LEKR1: variants seen among roughly 807,000 people sequenced by gnomAD.
The protein encoded by LEKR1 is leucine, glutamate and lysine rich 1.
Under a neutral mutation model 72.4 loss-of-function variants are expected in LEKR1, and 59 were observed. The observed-to-expected ratio is 0.82, with a 90% CI of 0.66 to 1.01. The LOEUF (loss-of-function observed/expected upper bound fraction) is 1.01, where lower values mean the gene tolerates loss of function less well. Ranked by LOEUF, LEKR1 falls within the 50% of genes least tolerant of loss-of-function variation. The probability of loss-of-function intolerance (pLI) is 0.00; values close to 1 mark genes in which losing one functional copy is unlikely to be tolerated. For synonymous variants in LEKR1, 257 were observed against 263.2 expected (o/e 0.98, Z 0.23); for missense variants, 728 against 759.2 (o/e 0.96, Z 0.48).
At chr3:156,960,495 A>G (rs985654916) in intron 6 of LEKR1, among the ~76,000 whole-genome samples, 17 of 152,176 alleles carry the variant, frequency 1.1e-4, no homozygotes, top group Admixed American at 3.3e-4. Context: ...CATGTTGGCC[A>G]GGCTGGTCTC....
intron 6 of LEKR1, among the ~76,000 whole-genome samples, chr3:156,948,131 G>C (rs1226496361): frequency 1.3e-5 from 2 of 150,946 alleles, no homozygotes; most frequent in African/African-American, 2.4e-5. Context: ...TTTGAATATT[G>C]TAAGTCTTTT....
intron 3 of LEKR1, among the ~76,000 whole-genome samples, chr3:156,877,597 G>A (rs1718761724): frequency 6.6e-6 from 1 of 151,350 alleles, no homozygotes; most frequent in African/African-American, 2.4e-5. Context: ...TTTCTGGATT[G>A]TGTGTATAAA....
At chr3:157,039,054 T>A (rs114210080) in intron 12 of LEKR1, among the ~76,000 whole-genome samples, 5,547 of 152,272 alleles carry the variant, frequency 0.036, 147 homozygotes, top group South Asian at 0.09. Flanking sequence ...AACAATCTCC[T>A]AGCATCTCGA....
chr3:156,973,240 C>T (rs1458869251), intron 6 of LEKR1, among the ~76,000 whole-genome samples: 1 of 152,004 alleles, frequency 6.6e-6, no homozygotes, highest in Non-Finnish European at 1.5e-5. Context: ...AGATAAGGTT[C>T]CTGTTCTCAT....
chr3:156,936,465 ACC>A (rs965225974), intron 5 of LEKR1, among the ~76,000 whole-genome samples: 72,943 of 132,958 alleles, frequency 0.55, 19,675 homozygotes, highest in South Asian at 0.69. Flanking sequence ...ACACACACAC[ACC>A]CCCCGTATGC....
At chr3:156,902,272 A>G (rs931195425) in intron 3 of LEKR1, among the ~76,000 whole-genome samples, 33 of 152,186 alleles carry the variant, frequency 2.2e-4, no homozygotes, top group African/African-American at 7.2e-4. Context: ...GAAATAGATG[A>G]AGATTACCCT....
At chr3:156,938,243 T>C (rs2108579646) in intron 5 of LEKR1, among the ~76,000 whole-genome samples, 1 of 152,298 alleles carries the variant, frequency 6.6e-6, no homozygotes, top group African/African-American at 2.4e-5. Context: ...GATAGTGTGC[T>C]ACAGTTACAC....
chr3:156,970,268 C>T (rs922964471), intron 6 of LEKR1, among the ~76,000 whole-genome samples: 16 of 152,162 alleles, frequency 1.1e-4, no homozygotes, highest in Non-Finnish European at 2.1e-4. Context: ...GAAGTTCTGG[C>T]CAGGGCAATC....
intron 6 of LEKR1, among the ~76,000 whole-genome samples, chr3:156,964,290 A>G (rs1728368431): frequency 6.6e-6 from 1 of 152,088 alleles, no homozygotes; most frequent in Non-Finnish European, 1.5e-5. Flanking sequence ...TTTCTTTATT[A>G]TGAAATCCTT....
chr3:156,942,659 A>G lies in LEKR1; in HGVS notation c.690A>G (p.Arg230=). The part of the protein sequence containing the change: ...ILRSQQIRTS[R]QQEVNLQTRC... ...GATCTCAGCAGATTCGGACATCTAG[A>G]CAACAGGAAGTAAACTTGCAAACCA... Residue 230 remains arginine, a synonymous_variant, in exon 6 of 13, where the codon AGA becomes AGG. Transcript: ENST00000356539. 7.9e-7 allele frequency: 1 copy of G among 1,271,256 alleles called. No individual in the cohort carries two copies. The highest frequency in any genetic ancestry group is 1.0e-6 in the Non-Finnish European group (1 of 982,850). 78.7% of individuals were successfully genotyped at this position (1,271,256 alleles called of 1,614,324 possible).
At chr3:156,939,262 T>A (rs576604865) in intron 5 of LEKR1, among the ~76,000 whole-genome samples, 4 of 152,296 alleles carry the variant, frequency 2.6e-5, no homozygotes, top group African/African-American at 9.6e-5. Context: ...CACAGACACC[T>A]ACGGACACCA....
intron 4 of LEKR1, among the ~76,000 whole-genome samples, chr3:156,925,698 G>C (rs1038782256): frequency 1.3e-5 from 2 of 151,850 alleles, no homozygotes; most frequent in African/African-American, 4.8e-5. Context: ...TTGTAATTTG[G>C]TTAAAAATTC....
At chr3:157,027,985 G>A (rs897603611) in intron 11 of LEKR1, 118 bp from the exon 12 acceptor site, 2 of 618,562 alleles carry the variant, frequency 3.2e-6, no homozygotes, top group Non-Finnish European at 5.4e-6. Flanking sequence ...CATGGGTTTG[G>A]TTTCATCTGA....
intron 5 of LEKR1, among the ~76,000 whole-genome samples, chr3:156,934,255 T>C (rs1010152019): frequency 6.6e-6 from 1 of 152,228 alleles, no homozygotes; most frequent in African/African-American, 2.4e-5. Flanking sequence ...TGCTGAGTGC[T>C]GTATTACTAG....
chr3:156,854,162 G>A (rs1471504987), intron 3 of LEKR1, among the ~76,000 whole-genome samples: 2 of 5,098 alleles, frequency 3.9e-4, no homozygotes. Flanking sequence ...TTTTTTTTTT[G>A]TGACAGAGTC....
intron 6 of LEKR1, chr3:156,977,638 G>T (rs1729812554): frequency 3.6e-6 from 1 of 275,102 alleles, no homozygotes; most frequent in Non-Finnish European, 7.5e-6. Flanking sequence ...TCATACAGAA[G>T]AACACACACA....
chr3:156,844,648 TG>T (rs1714353817), intron 2 of LEKR1, among the ~76,000 whole-genome samples: 1 of 108,640 alleles, frequency 9.2e-6, no homozygotes, highest in Non-Finnish European at 1.9e-5. Context: ...TTTTTCAATC[TG>T]TAATTTTCTG....
At chr3:156,881,301 G>C (rs1371428932) in intron 3 of LEKR1, among the ~76,000 whole-genome samples, 1 of 152,062 alleles carries the variant, frequency 6.6e-6, no homozygotes, top group African/African-American at 2.4e-5. Flanking sequence ...CTTCAGCAAA[G>C]TCTCAGCCTA....
chr3:157,001,510 G>A (rs1052768083), intron 9 of LEKR1, among the ~76,000 whole-genome samples: 10 of 152,144 alleles, frequency 6.6e-5, no homozygotes, highest in Admixed American at 6.6e-5. Flanking sequence ...ATCTGGATTC[G>A]CATGTACATA....
Sources: allele counts gnomAD v4.1 joint callset (sites outside exome capture counted in the v4.1 genomes callset), GRCh38; gene constraint gnomAD v4.1.1; transcripts MANE v1.5; gene names NCBI Gene and HGNC (gene_info 2026-07-23, HGNC 2026-07-21).